The following NXPE2 variants were observed in gnomAD, a reference collection of about 807,000 sequenced individuals.
The protein encoded by NXPE2 is NXPE family member 2.
Under a neutral mutation model 34.4 loss-of-function variants are expected in NXPE2, and 34 were observed. The ratio of observed to expected loss-of-function variants is 0.99; its 90% confidence interval spans 0.75 to 1.31. The LOEUF is 1.31. Among genes scored for constraint, NXPE2 ranks in the 40% most tolerant of loss-of-function variants. NXPE2 has a pLI of 0.00. For synonymous variants in NXPE2, 235 were observed against 231.3 expected, an observed-to-expected ratio of 1.02 and a Z score of -0.15; for missense variants, 649 against 672.5, an observed-to-expected ratio of 0.97 and a Z score of 0.39.
chr11:114,652,636 G>A, the NXPE2 span, among the ~76,000 whole-genome samples: 1 of 152,212 alleles, frequency 6.6e-6, no homozygotes, highest in Non-Finnish European at 1.5e-5. Flanking sequence ...AGGTAATAAA[G>A]TCTTGAAATC....
At chr11:114,635,220 G>T in the NXPE2 span, among the ~76,000 whole-genome samples, 3 of 149,946 alleles carry the variant, frequency 2.0e-5, no homozygotes, top group African/African-American at 7.4e-5. Flanking sequence ...TATTATCTTT[G>T]AAGCAATTGT....
the NXPE2 span, among the ~76,000 whole-genome samples, chr11:114,806,536 C>A: frequency 2.0e-5 from 3 of 152,118 alleles, no homozygotes; most frequent in South Asian, 6.2e-4. Flanking sequence ...GGCACGAGAG[C>A]TACATGACGA....
In NXPE2 at chr11:114,698,745, A is replaced by T; in HGVS notation, c.833A>T (p.Tyr278Phe). ...HMTTRTRNIS[Y>F]LSKEEWRLFH... Reference sequence around the variant, plus strand: ...ACCACTAGGACAAGAAATATTTCCTATCTTAGCAAGGAAGAATGGAGGCTT... The same window carrying T: ...ACCACTAGGACAAGAAATATTTCCTTTCTTAGCAAGGAAGAATGGAGGCTT... Residue 278 changes from tyrosine to phenylalanine, a missense_variant, in exon 3 of 6, where the codon TAT becomes TTT. Transcript: ENST00000389586. 1.3e-6 allele frequency: 2 copies of T among 1,594,450 alleles called. No individual in the cohort carries two copies. Among genetic ancestry groups the T allele is most frequent in the Middle Eastern group, 1.7e-4 (1 of 5,950 alleles).
chr11:114,632,949 A>C, the NXPE2 span, among the ~76,000 whole-genome samples: 16 of 99,980 alleles, frequency 1.6e-4, no homozygotes, highest in Non-Finnish European at 2.7e-4. Flanking sequence ...ATATTATATG[A>C]TATTTTATAT....
At chr11:114,474,233 A>G in the NXPE2 span, among the ~76,000 whole-genome samples, 1 of 152,184 alleles carries the variant, frequency 6.6e-6, no homozygotes, top group Non-Finnish European at 1.5e-5. Context: ...CCATCCGTAT[A>G]TGAATGGCAT....
chr11:114,625,821 C>A, the NXPE2 span, among the ~76,000 whole-genome samples: 2 of 152,066 alleles, frequency 1.3e-5, no homozygotes, highest in Non-Finnish European at 2.9e-5. Flanking sequence ...GGTGAGCACA[C>A]CACGTGCAAG....
chr11:114,476,162 C>G, the NXPE2 span, among the ~76,000 whole-genome samples: 1 of 152,138 alleles, frequency 6.6e-6, no homozygotes, highest in Non-Finnish European at 1.5e-5. Flanking sequence ...AACCTGTGCA[C>G]AGTGAGGACC....
At chr11:114,628,737 G>T in the NXPE2 span, among the ~76,000 whole-genome samples, 7 of 151,530 alleles carry the variant, frequency 4.6e-5, no homozygotes, top group African/African-American at 1.2e-4. Context: ...CCAGGAGCTG[G>T]TTTTTTGAAA....
the NXPE2 span, chr11:114,580,440 G>A: frequency 1.1e-6 from 1 of 940,552 alleles, no homozygotes; most frequent in Non-Finnish European, 1.7e-6. Flanking sequence ...AGGGGGTAAG[G>A]TGGTGGTAAT....
chr11:114,723,119 G>T, the NXPE2 span, among the ~76,000 whole-genome samples: 2 of 152,092 alleles, frequency 1.3e-5, no homozygotes, highest in African/African-American at 4.8e-5. Context: ...AAAATTCAGG[G>T]TAGTGGATGC....
chr11:114,797,988 AAACT>A, the NXPE2 span, among the ~76,000 whole-genome samples: 1 of 152,308 alleles, frequency 6.6e-6, no homozygotes, highest in South Asian at 2.1e-4. Context: ...AACCATGGTT[AAACT>A]GAGAAACAAT....
the NXPE2 span, among the ~76,000 whole-genome samples, chr11:114,534,516 C>G: frequency 6.6e-6 from 1 of 151,946 alleles, no homozygotes; most frequent in African/African-American, 2.4e-5. Flanking sequence ...GAATCAATGG[C>G]AAAGAAGTTA....
At chr11:114,679,322 TG>T (rs1950907040) in intron 1 of NXPE2, among the ~76,000 whole-genome samples, 1 of 17,366 alleles carries the variant, frequency 5.8e-5, no homozygotes, top group Non-Finnish European at 1.1e-4. Flanking sequence ...GGGGGTGGGG[TG>T]GGGGTGGGGG....
chr11:114,683,556 G>T (rs912740919), intron 2 of NXPE2, among the ~76,000 whole-genome samples: 11 of 151,968 alleles, frequency 7.2e-5, no homozygotes, highest in African/African-American at 2.7e-4. Context: ...GAGTAGCTGG[G>T]ATTACAGGCG....
the NXPE2 span, among the ~76,000 whole-genome samples, chr11:114,773,288 C>CCCACCCG: frequency 3.1e-5 from 3 of 95,870 alleles, no homozygotes; most frequent in African/African-American, 1.1e-4. Flanking sequence ...CACCCCCCCC[C>CCCACCCG]CACCCCATTC....
chr11:114,625,778 T>C, the NXPE2 span, among the ~76,000 whole-genome samples: 6 of 152,020 alleles, frequency 3.9e-5, no homozygotes, highest in Non-Finnish European at 8.8e-5. Context: ...TTCATCTCAT[T>C]AGGGAGTGCC....
At chr11:114,787,727 A>G in the NXPE2 span, among the ~76,000 whole-genome samples, 1 of 152,176 alleles carries the variant, frequency 6.6e-6, no homozygotes, top group Non-Finnish European at 1.5e-5. Context: ...CTATCTATCT[A>G]TCCACCCCTC....
At chr11:114,721,556 G>A in the NXPE2 span, among the ~76,000 whole-genome samples, 2 of 152,188 alleles carry the variant, frequency 1.3e-5, no homozygotes, top group Admixed American at 6.5e-5. Flanking sequence ...ATAAAGGCAT[G>A]TGGAGGATTA....
chr11:114,555,688 G>A, the NXPE2 span, among the ~76,000 whole-genome samples: 832 of 152,240 alleles, frequency 5.5e-3, 6 homozygotes, highest in African/African-American at 0.019. Context: ...CATGCCTAAC[G>A]TGTTTCTGGC....
Sources: gnomAD v4.1 joint callset for allele counts (sites outside exome capture counted in the v4.1 genomes callset) on GRCh38, gnomAD v4.1.1 for gene constraint, MANE v1.5 for transcripts, NCBI Gene and HGNC (gene_info 2026-07-23, HGNC 2026-07-21) for gene names.